The following ITPR1 variants were observed in gnomAD, a reference collection of about 807,000 sequenced individuals.
ITPR1 encodes the protein inositol 1,4,5-trisphosphate-gated calcium channel ITPR1.
A neutral mutation model predicts 318.4 loss-of-function variants in ITPR1; 96 were observed. That is an observed-to-expected ratio of 0.30 (90% CI 0.26 to 0.36). The LOEUF (loss-of-function observed/expected upper bound fraction) is 0.36, where lower values mean the gene tolerates loss of function less well. ITPR1 is among the 10% of genes least tolerant of loss of function. The probability of loss-of-function intolerance (pLI) is 1.00; values close to 1 mark genes in which losing one functional copy is unlikely to be tolerated. For synonymous variants in ITPR1, 1,312 were observed against 1,289.9 expected, an observed-to-expected ratio of 1.02 and a Z score of -0.37; for missense variants, 2,440 against 3,460.2, an observed-to-expected ratio of 0.71 and a Z score of 7.40.
intron 61 of ITPR1, among the ~76,000 whole-genome samples, chr3:4,837,470 T>G (rs1690407022): frequency 6.6e-6 from 1 of 152,006 alleles, no homozygotes; most frequent in Admixed American, 6.5e-5. Context: ...GTGTTGGGGA[T>G]AAAACAGTGA....
intron 16 of ITPR1, among the ~76,000 whole-genome samples, chr3:4,663,861 T>C (rs1303720254): frequency 6.6e-6 from 1 of 152,222 alleles, no homozygotes; most frequent in Non-Finnish European, 1.5e-5. Context: ...CTGCATGCAT[T>C]GTTTTCCCTT....
chr3:4,497,388 A>G (rs900114120), intron 2 of ITPR1, among the ~76,000 whole-genome samples: 2 of 152,240 alleles, frequency 1.3e-5, no homozygotes, highest in African/African-American at 2.4e-5. Context: ...AGCACCTGCT[A>G]TGTACTAAGA....
intron 4 of ITPR1, among the ~76,000 whole-genome samples, chr3:4,536,506 G>T (rs1339437076): frequency 6.6e-6 from 1 of 152,182 alleles, no homozygotes; most frequent in Non-Finnish European, 1.5e-5. Context: ...TATTTACAAG[G>T]TCACCTACCT....
At chr3:4,631,722 C>T (rs773470509) in intron 5 of ITPR1, among the ~76,000 whole-genome samples, 14 of 152,040 alleles carry the variant, frequency 9.2e-5, no homozygotes, top group South Asian at 4.2e-4. Flanking sequence ...AGTACTTGCA[C>T]GTTTGGAAAA....
rs75725986 is a variant in ITPR1 at position 4,760,855 on chromosome 3, G to A, written c.5545-5675G>A. Reference sequence around the variant, plus strand: ...CCTTGTAATTATGTTGGGCCCACCCGGGTAATCCAAGCTCATCTGTCTACT... The same window carrying A: ...CCTTGTAATTATGTTGGGCCCACCCAGGTAATCCAAGCTCATCTGTCTACT... On this transcript the variant is annotated intron_variant, in intron 44 of 61. Transcript: ENST00000649015. Among the ~76,000 whole-genome samples the A allele has an allele frequency of 9.1e-3, 1,384 of 152,242 alleles. 20 individuals carry two copies. Among genetic ancestry groups the A allele is most frequent in the African/African-American group, 0.031 (1,306 of 41,530 alleles).
At chr3:4,637,371 T>C (rs1335601754) in intron 5 of ITPR1, among the ~76,000 whole-genome samples, 2 of 152,154 alleles carry the variant, frequency 1.3e-5, no homozygotes, top group East Asian at 1.9e-4. Flanking sequence ...GTGGGTACTG[T>C]AGAAATCTCT....
chr3:4,700,672 C>G (rs1046832290), intron 35 of ITPR1, among the ~76,000 whole-genome samples: 2 of 152,142 alleles, frequency 1.3e-5, no homozygotes, highest in African/African-American at 4.8e-5. Flanking sequence ...CCATCGTGTC[C>G]TTTTGCTCTT....
chr3:4,802,833 A>AAAAG (rs67554405), intron 54 of ITPR1, among the ~76,000 whole-genome samples: 7 of 152,038 alleles, frequency 4.6e-5, no homozygotes, highest in African/African-American at 7.2e-5. Flanking sequence ...ATTAAAAAAA[A>AAAAG]AAAGAAAGAA....
intron 2 of ITPR1, among the ~76,000 whole-genome samples, chr3:4,496,493 G>C (rs2080581874): frequency 6.6e-6 from 1 of 152,158 alleles, no homozygotes; most frequent in African/African-American, 2.4e-5. Context: ...AAGTCATTTG[G>C]GGTTGACAAT....
intron 32 of ITPR1, among the ~76,000 whole-genome samples, chr3:4,691,826 G>A (rs1027231690): frequency 1.3e-5 from 2 of 152,144 alleles, no homozygotes; most frequent in Admixed American, 6.6e-5. Context: ...TCTTGTCTAC[G>A]TATATGGTTC....
At chr3:4,628,779 C>A (rs1313893991) in intron 5 of ITPR1, among the ~76,000 whole-genome samples, 1 of 152,202 alleles carries the variant, frequency 6.6e-6, no homozygotes, top group Non-Finnish European at 1.5e-5. Flanking sequence ...ACTTACCAGG[C>A]ACTCCCATCA....
intron 10 of ITPR1, among the ~76,000 whole-genome samples, chr3:4,649,508 C>G (rs1193695721): frequency 6.6e-6 from 1 of 152,138 alleles, no homozygotes; most frequent in African/African-American, 2.4e-5. Context: ...TCCCTATTTC[C>G]CCTTCAATAT....
intron 44 of ITPR1, among the ~76,000 whole-genome samples, chr3:4,757,805 G>C (rs2045122430): frequency 6.6e-6 from 1 of 152,212 alleles, no homozygotes. Flanking sequence ...TGCAGAGAGA[G>C]GGTCCCCAGG....
At chr3:4,562,299 TAGAC>T (rs556780076) in intron 4 of ITPR1, among the ~76,000 whole-genome samples, 129 of 152,310 alleles carry the variant, frequency 8.5e-4, no homozygotes, top group Non-Finnish European at 1.6e-3. Context: ...GAAAAATTAT[TAGAC>T]AGTAATGTTA....
chr3:4,716,156 G>C (rs183656534), intron 39 of ITPR1, among the ~76,000 whole-genome samples: 19 of 152,258 alleles, frequency 1.2e-4, no homozygotes, highest in Admixed American at 1.0e-3. Flanking sequence ...AACACTCTGT[G>C]TGCAATGCCT....
chr3:4,665,094 A>C lies in ITPR1; in HGVS notation c.1555-44A>C, dbSNP rs377525253. On this transcript the variant is annotated intron_variant, in intron 16 of 61. Coordinates refer to ENST00000649015, the MANE Select transcript of ITPR1 (RefSeq NM_001378452.1). Reference sequence around the variant, plus strand: ...CTTCCAAACAGAGGGTTAGCTTTGAAGCCCTAAGTGATTGCCATTTTTGCT... The same window carrying C: ...CTTCCAAACAGAGGGTTAGCTTTGACGCCCTAAGTGATTGCCATTTTTGCT... 128 of 1,607,204 alleles carry C rather than the reference A, an allele frequency of 8.0e-5. 1 individual carries two copies. The Middle Eastern group carries it at 1.5e-3, about 19-fold the overall frequency.
At chr3:4,820,933 G>A (rs546998198) in intron 60 of ITPR1, among the ~76,000 whole-genome samples, 8 of 152,300 alleles carry the variant, frequency 5.3e-5, no homozygotes, top group East Asian at 1.9e-4. Context: ...TCAGAGCTGC[G>A]GTGCAGAGGC....
At chr3:4,549,236 C>G (rs2085320081) in intron 4 of ITPR1, among the ~76,000 whole-genome samples, 1 of 152,118 alleles carries the variant, frequency 6.6e-6, no homozygotes, top group Admixed American at 6.5e-5. Flanking sequence ...AATGCACTGA[C>G]AGGGGTATTT....
At chr3:4,576,414 C>A (rs1347126026) in intron 4 of ITPR1, among the ~76,000 whole-genome samples, 1 of 152,130 alleles carries the variant, frequency 6.6e-6, no homozygotes, top group Non-Finnish European at 1.5e-5. Flanking sequence ...TGGATCTTCA[C>A]AAAGAGGTTT....
Sources: allele counts gnomAD v4.1 joint callset (sites outside exome capture counted in the v4.1 genomes callset), GRCh38; gene constraint gnomAD v4.1.1; transcripts MANE v1.5; gene names NCBI Gene and HGNC (gene_info 2026-07-23, HGNC 2026-07-21).